Variants in NALF1 observed in about 807,000 individuals in gnomAD.
The protein encoded by NALF1 is family with sequence similarity 155 member A.
Under a neutral mutation model 48.4 loss-of-function variants are expected in NALF1, and 3 were observed. The ratio of observed to expected loss-of-function variants is 0.06; its 90% CI spans 0.03 to 0.16. NALF1 has a LOEUF of 0.16. NALF1 is among the 10% of genes least tolerant of loss of function. NALF1 has a pLI of 1.00. For missense variants in NALF1, 526 were observed against 571.5 expected (o/e 0.92, Z 0.81); for synonymous variants, 262 against 245.7 (o/e 1.07, Z -0.62).
At chr13:107,476,853 G>A (rs976639311) in intron 1 of NALF1, among the ~76,000 whole-genome samples, 2 of 151,874 alleles carry the variant, frequency 1.3e-5, no homozygotes, top group African/African-American at 4.8e-5. Flanking sequence ...TGAGCCAAGA[G>A]GTATTTAGAA....
chr13:107,676,305 G>A (rs1188281170), intron 1 of NALF1, among the ~76,000 whole-genome samples: 4 of 152,182 alleles, frequency 2.6e-5, no homozygotes, highest in Non-Finnish European at 5.9e-5. Flanking sequence ...AGATGTCAAT[G>A]GGGCAGTCAG....
At chr13:107,832,192 C>G (rs1405681165) in intron 1 of NALF1, among the ~76,000 whole-genome samples, 1 of 151,756 alleles carries the variant, frequency 6.6e-6, no homozygotes, top group East Asian at 1.9e-4. Context: ...GATGGATATT[C>G]AATCCTATTA....
In NALF1 at chr13:107,601,312, G is replaced by A. The variant is rs9559085; in HGVS notation, c.915+264370C>T. ...AAGAATTCCCCTAGAACACTTAAAC[G>A]CAAATTTGGGAACTTGAAACAATCT... On this transcript the variant is annotated intron_variant, in intron 1 of 2. Transcript: ENST00000375915. 0.021 allele frequency among the ~76,000 whole-genome samples: 3,125 copies of A among 152,192 alleles called. 212 individuals are homozygous for A. In the East Asian group the frequency reaches 0.26, roughly 13 times the overall value.
At chr13:107,689,757 T>C (rs779292159) in intron 1 of NALF1, among the ~76,000 whole-genome samples, 97 of 152,214 alleles carry the variant, frequency 6.4e-4, no homozygotes, top group Non-Finnish European at 1.2e-3. Context: ...TATGTGTAAG[T>C]GAATGAGTTA....
chr13:107,363,982 T>C (rs1883108548), intron 1 of NALF1, among the ~76,000 whole-genome samples: 1 of 152,212 alleles, frequency 6.6e-6, no homozygotes, highest in African/African-American at 2.4e-5. Flanking sequence ...TGAAATAGCC[T>C]GGTTTTGCTC....
At chr13:107,240,218 G>T (rs2138834196) in intron 1 of NALF1, among the ~76,000 whole-genome samples, 1 of 152,240 alleles carries the variant, frequency 6.6e-6, no homozygotes, top group East Asian at 1.9e-4. Context: ...CCCATATGAG[G>T]ACACAGAGAG....
At chr13:107,297,044 T>G (rs963323052) in intron 1 of NALF1, among the ~76,000 whole-genome samples, 1 of 152,000 alleles carries the variant, frequency 6.6e-6, no homozygotes, top group Non-Finnish European at 1.5e-5. Flanking sequence ...TTATTTATTT[T>G]TTCATATTCT....
rs192643090 is a variant in NALF1 at position 107,817,286 on chromosome 13, A to T, written c.915+48396T>A. On this transcript the variant is annotated intron_variant, in intron 1 of 2. Coordinates refer to ENST00000375915, the MANE Select transcript of NALF1 (RefSeq NM_001080396.3). Reference sequence around the variant, plus strand: ...GTATACTTGAAATTGTGGTTTGCACAAAATCACACATTTTGAGTATGAAAA... The same window carrying T: ...GTATACTTGAAATTGTGGTTTGCACTAAATCACACATTTTGAGTATGAAAA... Among the ~76,000 whole-genome samples, 31 of 152,344 alleles carry T rather than the reference A, an allele frequency of 2.0e-4. 1 individual carries two copies. The East Asian group carries it at 5.6e-3, about 27-fold the overall frequency.
At chr13:107,782,341 T>C (rs924442279) in intron 1 of NALF1, among the ~76,000 whole-genome samples, 1 of 152,204 alleles carries the variant, frequency 6.6e-6, no homozygotes, top group Non-Finnish European at 1.5e-5. Context: ...AGACGGTGTC[T>C]GGTTCACTCA....
intron 1 of NALF1, among the ~76,000 whole-genome samples, chr13:107,234,967 C>T (rs1236486246): frequency 2.0e-5 from 3 of 152,104 alleles, no homozygotes; most frequent in African/African-American, 7.2e-5. Context: ...TGCCCCACCG[C>T]CTCTCCACCT....
intron 1 of NALF1, among the ~76,000 whole-genome samples, chr13:107,832,422 T>A (rs1264091762): frequency 2.0e-5 from 3 of 152,182 alleles, no homozygotes; most frequent in Non-Finnish European, 4.4e-5. Context: ...TGTATTTATA[T>A]ATACATAATA....
intron 1 of NALF1, among the ~76,000 whole-genome samples, chr13:107,562,966 T>A (rs1325123305): frequency 6.6e-6 from 1 of 152,214 alleles, no homozygotes; most frequent in African/African-American, 2.4e-5. Context: ...TCTTAAAACT[T>A]ACATGAGTAG....
At chr13:107,717,499 C>G (rs1446074105) in intron 1 of NALF1, among the ~76,000 whole-genome samples, 1 of 151,458 alleles carries the variant, frequency 6.6e-6, no homozygotes, top group African/African-American at 2.4e-5. Context: ...GAGGAGAAGT[C>G]GAGAAACCCT....
intron 1 of NALF1, among the ~76,000 whole-genome samples, chr13:107,761,412 G>A (rs956456140): frequency 7.9e-5 from 12 of 151,940 alleles, no homozygotes; most frequent in Admixed American, 7.2e-4. Context: ...AGCAGGATTG[G>A]GAAAAATACA....
chr13:107,815,393 A>G (rs1230470855), intron 1 of NALF1, among the ~76,000 whole-genome samples: 3 of 152,202 alleles, frequency 2.0e-5, no homozygotes, highest in Admixed American at 1.3e-4. Flanking sequence ...CAAATGGCCA[A>G]TAAATTCTTG....
At chr13:107,487,809 G>A (rs771717424) in intron 1 of NALF1, among the ~76,000 whole-genome samples, 5 of 151,880 alleles carry the variant, frequency 3.3e-5, no homozygotes, top group Non-Finnish European at 4.4e-5. Flanking sequence ...GGGTTAGGGC[G>A]GACTCCCTTT....
At chr13:107,818,517 G>C (rs1303361742) in intron 1 of NALF1, among the ~76,000 whole-genome samples, 1 of 152,158 alleles carries the variant, frequency 6.6e-6, no homozygotes, top group East Asian at 1.9e-4. Flanking sequence ...TTGGTGGTGA[G>C]TGGCAGATTG....
At chr13:107,345,146 C>T (rs1337247598) in intron 1 of NALF1, among the ~76,000 whole-genome samples, 1 of 151,866 alleles carries the variant, frequency 6.6e-6, no homozygotes, top group African/African-American at 2.4e-5. Context: ...AAAAACATTG[C>T]TGAAAGAAGT....
intron 1 of NALF1, among the ~76,000 whole-genome samples, chr13:107,344,265 G>A (rs1835197035): frequency 6.6e-6 from 1 of 152,042 alleles, no homozygotes; most frequent in Admixed American, 6.6e-5. Context: ...AACATTTAAA[G>A]AATAATTGCC....
Sources: gnomAD v4.1 joint callset for allele counts (sites outside exome capture counted in the v4.1 genomes callset) on GRCh38, gnomAD v4.1.1 for gene constraint, MANE v1.5 for transcripts, NCBI Gene and HGNC (gene_info 2026-07-23, HGNC 2026-07-21) for gene names.